Variants in ATG4D observed in about 807,000 individuals in gnomAD.
ATG4D encodes autophagy related 4D cysteine peptidase.
In ATG4D, 51 loss-of-function variants were observed where a neutral mutation model predicts 55.2. The ratio of observed to expected loss-of-function variants is 0.92; its 90% CI spans 0.74 to 1.17. The LOEUF is 1.17. ATG4D is among the 50% of genes most tolerant of loss of function. The pLI is 0.00. For synonymous variants in ATG4D, 268 were observed against 266.2 expected, an observed-to-expected ratio of 1.01 and a Z score of -0.07; for missense variants, 635 against 649.6, an observed-to-expected ratio of 0.98 and a Z score of 0.25.
chr19:10,548,758 G>A (rs1219452853), intron 5 of ATG4D, 146 bp from the exon 6 acceptor site: 13 of 1,210,132 alleles, frequency 1.1e-5, no homozygotes, highest in African/African-American at 1.5e-5. Context: ...GTGTTTGGGG[G>A]GCACTAGAAT....
rs373316663 is a variant in ATG4D at position 10,545,142 on chromosome 19, G to T, written c.493+12G>T. 2.4e-5 allele frequency: 39 copies of T among 1,605,980 alleles called. 1 individual carries two copies. The highest frequency in any genetic ancestry group is 4.4e-5 in the South Asian group (4 of 91,068). On this transcript the variant is annotated intron_variant, in intron 3 of 9. Coordinates refer to ENST00000309469, the MANE Select transcript of ATG4D (RefSeq NM_032885.6). ...TTTCCTGCCCAGAGGTGAGCCATAG[G>T]GGGGAAGGGGTGCACTAGGAGTACA...
At chr19:10,546,263 G>A (rs923933723) in intron 3 of ATG4D, among the ~76,000 whole-genome samples, 2 of 151,732 alleles carry the variant, frequency 1.3e-5, no homozygotes, top group African/African-American at 4.8e-5. Context: ...TTTAGAGGCT[G>A]TAGTGAGACG....
At chr19:10,548,028 TTTTTTTTTTTTTTTTTTTTTG>T (rs1599519221) in intron 5 of ATG4D, among the ~76,000 whole-genome samples, 5 of 60,734 alleles carry the variant, frequency 8.2e-5, no homozygotes, top group East Asian at 6.0e-4. Flanking sequence ...TTTTTTTTTT[TTTTTTTTTTTTTTTTTTTTTG>T]AGACAGAGTC....
Position 10,552,970 on chromosome 19 carries a change from T to C in ATG4D, c.1328T>C (p.Leu443Pro). ...GCTCAGGACCACAGCCTGGACGACC[T>C]CTGCTCCCAGCTCGCCCAGCCCACA... Reference protein sequence around the residue: ...GHAQDHSLDDLCSQLAQPTLR... With the variant: ...GHAQDHSLDDPCSQLAQPTLR... The change falls in exon 10 of 10, where the codon CTC (leucine) becomes CCC (proline). Residue 443 changes from leucine (L) to proline (P), a missense_variant. Coordinates refer to ENST00000309469, the MANE Select transcript of ATG4D (RefSeq NM_032885.6). The C allele has an allele frequency of 1.2e-6, 2 of 1,613,678 alleles. No homozygotes were observed. Among genetic ancestry groups the C allele is most frequent in the Admixed American group, 1.7e-5 (1 of 60,018 alleles).
At position 10,549,013 on chromosome 19, in the gene ATG4D, C is replaced by T. The variant is rs569110095; in HGVS notation, c.945C>T (p.Pro315=). ...GACTGGGTGGCGAGACTCTCAACCC[C>T]GTGTATGTGCCCTGCGTGAAGGTAG... ...PVRLGGETLN[P]VYVPCVKELL... is the part of the protein sequence containing the mutation. Residue 315 remains proline, a synonymous_variant, in exon 6 of 10, where the codon CCC becomes CCT. Coordinates refer to ENST00000309469, the MANE Select transcript of ATG4D (RefSeq NM_032885.6). 6.7e-4 allele frequency: 1,077 copies of T among 1,614,020 alleles called. 22 individuals carry two copies. In the South Asian group the frequency reaches 0.011, roughly 17 times the overall value.
chr19:10,546,042 C>A (rs147732936), intron 3 of ATG4D, among the ~76,000 whole-genome samples: 3 of 151,236 alleles, frequency 2.0e-5, no homozygotes, highest in African/African-American at 7.3e-5. Context: ...AATAACAGGT[C>A]GAGTGTGGTG....
At position 10,552,344 on chromosome 19, in the gene ATG4D, G is replaced by C. The variant is rs777803970; in HGVS notation, c.1242+20G>C. 2 of 1,604,262 alleles carry C rather than the reference G, an allele frequency of 1.2e-6. No homozygotes were observed. The highest frequency in any genetic ancestry group is 2.2e-5 in the East Asian group (1 of 44,742). ...ACCAGGGTGAGCAAGAGGAAAGCTGGAGTGGGGTGAGGGGGGCGGTTGGGC... is the reference window on the plus strand; with the variant it reads ...ACCAGGGTGAGCAAGAGGAAAGCTGCAGTGGGGTGAGGGGGGCGGTTGGGC... On this transcript the variant is annotated intron_variant, in intron 9 of 9. Coordinates refer to ENST00000309469, the MANE Select transcript of ATG4D (RefSeq NM_032885.6).
Position 10,544,861 on chromosome 19 carries a change from G to T in ATG4D, c.314G>T (p.Gly105Val), listed in dbSNP as rs138626074. Residue 105 changes from glycine to valine, a missense_variant, in exon 2 of 10, where the codon GGC becomes GTC. Coordinates refer to ENST00000309469, the MANE Select transcript of ATG4D (RefSeq NM_032885.6). ...HLCGRRYRFE[G>V]EGDIQRFQRD... ...TGTGGCCGCCGCTACCGTTTCGAGG[G>T]CGAGGGTGAGCTGGTGGTTGGGACC... The T allele has an allele frequency of 3.7e-6, 6 of 1,609,544 alleles. No individual in the cohort carries two copies. Among genetic ancestry groups the T allele is most frequent in the Non-Finnish European group, 5.1e-6 (6 of 1,177,384 alleles).
chr19:10,551,659 C>T (rs1916236039), intron 6 of ATG4D, among the ~76,000 whole-genome samples: 1 of 143,710 alleles, frequency 7.0e-6, no homozygotes, highest in Non-Finnish European at 1.5e-5. Context: ...AATTGGGCCA[C>T]TGCACTCCAG....
At chr19:10,551,503 G>A (rs1916226477) in intron 6 of ATG4D, among the ~76,000 whole-genome samples, 1 of 151,082 alleles carries the variant, frequency 6.6e-6, no homozygotes, top group Non-Finnish European at 1.5e-5. Flanking sequence ...TTCCAGACCA[G>A]CCTGGCTAAC....
At chr19:10,549,737 A>G (rs952323897) in intron 6 of ATG4D, among the ~76,000 whole-genome samples, 1 of 151,830 alleles carries the variant, frequency 6.6e-6, no homozygotes, top group African/African-American at 2.4e-5. Context: ...CTTTTTTTAT[A>G]CTATGCAGCA....
intron 9 of ATG4D, 43 bp downstream of exon 9, chr19:10,552,367 G>A (rs1297168594): frequency 1.9e-6 from 3 of 1,579,702 alleles, no homozygotes; most frequent in African/African-American, 2.7e-5. Flanking sequence ...GGGGCGGTTG[G>A]GCAGGGCTGG....
intron 9 of ATG4D, 142 bp downstream of exon 9, chr19:10,552,466 G>C: frequency 8.4e-7 from 1 of 1,194,716 alleles, no homozygotes; most frequent in Non-Finnish European, 1.1e-6. Flanking sequence ...TGTGAAGAAT[G>C]TCCACCCCTG....
chr19:10,549,000 A>C lies in ATG4D; in HGVS notation c.932A>C (p.Glu311Ala). 6.2e-7 allele frequency: 1 copy of C among 1,614,074 alleles called. No individual in the cohort carries two copies. Among genetic ancestry groups the C allele is most frequent in the South Asian group, 1.1e-5 (1 of 91,080 alleles). ...VILVPVRLGGETLNPVYVPCV... is the reference protein window; with the variant it reads ...VILVPVRLGGATLNPVYVPCV... The stretch of plus-strand genomic sequence containing the variant: ...CTGGTGCCCGTGCGACTGGGTGGCG[A>C]GACTCTCAACCCCGTGTATGTGCCC... Residue 311 changes from glutamate to alanine, a missense_variant, in exon 6 of 10, where the codon GAG becomes GCG. By Grantham distance (107) the Glu-to-Ala change is moderately radical. Transcript: ENST00000309469.
rs769675054 is a variant in ATG4D at position 10,550,200 on chromosome 19, G to A, written c.966+1166G>A. On this transcript the variant is annotated intron_variant, in intron 6 of 9. Coordinates refer to ENST00000309469, the MANE Select transcript of ATG4D (RefSeq NM_032885.6). Reference sequence around the variant, plus strand: ...TTTTTGTATTTTTAGCAGAGATGGGGTTTTCCCATGTTGGCCAGGCTGGTC... The same window carrying A: ...TTTTTGTATTTTTAGCAGAGATGGGATTTTCCCATGTTGGCCAGGCTGGTC... 3.6e-4 allele frequency among the ~76,000 whole-genome samples: 54 copies of A among 151,928 alleles called. No homozygotes were observed. The Middle Eastern group carries it at 0.01, about 29-fold the overall frequency.
chr19:10,549,142 A>G, intron 6 of ATG4D, 108 bp downstream of exon 6: 1 of 1,314,328 alleles, frequency 7.6e-7, no homozygotes, highest in Non-Finnish European at 1.0e-6. Flanking sequence ...TTTTTTTTTG[A>G]GATGGAGTTT....
chr19:10,551,765 G>T, intron 6 of ATG4D, 132 bp from the exon 7 acceptor site: 1 of 730,586 alleles, frequency 1.4e-6, no homozygotes, highest in Non-Finnish European at 2.4e-6. Context: ...TAGGATGTCA[G>T]CTCCTGAGGG....
intron 3 of ATG4D, among the ~76,000 whole-genome samples, chr19:10,546,194 T>C (rs1286190979): frequency 1.3e-5 from 2 of 151,710 alleles, no homozygotes; most frequent in Admixed American, 1.3e-4. Context: ...TGTGGTGGCA[T>C]GTGCCTGTGA....
chr19:10,550,463 A>C (rs1916184823), intron 6 of ATG4D, among the ~76,000 whole-genome samples: 1 of 152,180 alleles, frequency 6.6e-6, no homozygotes. Context: ...CTGAGGCTGG[A>C]AAGTCCCCTA....
Sources: allele counts gnomAD v4.1 joint callset (sites outside exome capture counted in the v4.1 genomes callset), GRCh38; gene constraint gnomAD v4.1.1; transcripts MANE v1.5; gene names NCBI Gene and HGNC (gene_info 2026-07-23, HGNC 2026-07-21).